The following MRPS25 variants were observed in gnomAD, a reference collection of about 807,000 sequenced individuals.
The protein encoded by MRPS25 is small ribosomal subunit protein mS25.
MRPS25 carries 15 observed loss-of-function variants against 17.3 expected under a neutral mutation model. The ratio of observed to expected loss-of-function variants is 0.87; its 90% CI spans 0.58 to 1.34. MRPS25 has a LOEUF of 1.34. MRPS25 is among the 40% of genes most tolerant of loss of function. The pLI, the probability that MRPS25 is intolerant of heterozygous loss-of-function variation, is 0.00. For synonymous variants in MRPS25, 94 were observed against 83.3 expected, an observed-to-expected ratio of 1.13 and a Z score of -0.70; for missense variants, 225 against 218.6, an observed-to-expected ratio of 1.03 and a Z score of -0.19.
At chr3:15,043,154 C>G (rs2042330692), downstream of MRPS25, 1 of 620,404 alleles carries the variant, frequency 1.6e-6, no homozygotes, top group Non-Finnish European at 2.5e-6. Flanking sequence ...TAATCCCAGA[C>G]AATAGCAATT....
At chr3:15,053,591 G>T in intron 2 of MRPS25, 124 bp from the exon 3 acceptor site, 1 of 1,065,462 alleles carries the variant, frequency 9.4e-7, no homozygotes, top group Non-Finnish European at 1.4e-6. Flanking sequence ...AGATATACTT[G>T]TTTACATAAT....
Position 15,049,280 on chromosome 3 carries a change from T to C in MRPS25, c.*3161A>G, listed in dbSNP as rs1369861545. The C allele has an allele frequency of 6.5e-6, 1 of 152,810 alleles. No homozygotes were observed. Among genetic ancestry groups the C allele is most frequent in the Non-Finnish European group, 1.5e-5 (1 of 68,190 alleles). 9.5% of individuals were successfully genotyped at this position (152,810 alleles called of 1,614,324 possible). ...AAAGTGAATTAAAGACTAACATGCA[T>C]CCTGCTCTTCATTTTTCTTCATGAT... On this transcript the variant is annotated 3_prime_UTR_variant, in exon 4 of 4. Coordinates refer to ENST00000253686, the MANE Select transcript of MRPS25 (RefSeq NM_022497.5).
At chr3:15,059,586 A>C (rs2042721531) in intron 1 of MRPS25, 111 bp from the exon 2 acceptor site, 3 of 772,652 alleles carry the variant, frequency 3.9e-6, no homozygotes, top group Non-Finnish European at 6.5e-6. Flanking sequence ...TTCTCAGAGG[A>C]CCCAAAAAGG....
chr3:15,061,926 GCCCCTCCGCCCGGC>G (rs2042770045), intron 1 of MRPS25, among the ~76,000 whole-genome samples: 1 of 150,226 alleles, frequency 6.7e-6, no homozygotes, highest in African/African-American at 2.5e-5. Context: ...GAAGTGAGGA[GCCCCTCCGCCCGGC>G]AGCCGCCCCG....
In MRPS25 at chr3:15,060,639, T is replaced by C. The variant is rs914634177; in HGVS notation, c.135-1164A>G. ...GGCTCATGCCTGTAATCCCAGCACT[T>C]TGGGAGGCCGAGGCGGGTGGATCAC... On this transcript the variant is annotated intron_variant, in intron 1 of 3. Coordinates refer to ENST00000253686, the MANE Select transcript of MRPS25 (RefSeq NM_022497.5). Among the ~76,000 whole-genome samples the C allele has an allele frequency of 2.0e-5, 3 of 152,142 alleles. No homozygotes were observed. The South Asian group carries it at 6.2e-4, about 32-fold the overall frequency.
intron 3 of MRPS25, 199 bp downstream of exon 3, chr3:15,053,181 G>C: frequency 1.6e-6 from 2 of 1,258,038 alleles, no homozygotes; most frequent in South Asian, 3.2e-5. Flanking sequence ...AGCCAAGGGA[G>C]ATAAAGCTTA....
rs572776946 is a variant in MRPS25 at position 15,061,370 on chromosome 3, C to T, written c.135-1895G>A. Among the ~76,000 whole-genome samples the T allele has an allele frequency of 5.4e-3, 817 of 152,314 alleles. 2 individuals carry two copies. The highest frequency in any genetic ancestry group is 0.014 in the Middle Eastern group (4 of 294). ...GCCTGCGATTGCAGGCGCGCGCTGC[C>T]ACGCCTGACTGGTTTTCGTATTTTT... On this transcript the variant is annotated intron_variant, in intron 1 of 3. Transcript: ENST00000253686.
At position 15,052,594 on chromosome 3, in the gene MRPS25, A is replaced by G. The variant is rs373966010; in HGVS notation, c.369T>C (p.Leu123=). Residue 123 remains leucine (L), a synonymous_variant, in exon 4 of 4, where the codon CTT becomes CTC. Coordinates refer to ENST00000253686, the MANE Select transcript of MRPS25 (RefSeq NM_022497.5). ...GAGGGCCGAAGTTGGCTGGGTGAGA[A>G]AGCTGCTTTTTCTCCTCCTCCTCTT... ...LREEEEEKKQ[L]SHPANFGPRK... 134 of 1,614,136 alleles carry G rather than the reference A, an allele frequency of 8.3e-5. 3 individuals are homozygous for G. Among genetic ancestry groups the G allele is most frequent in the South Asian group, 6.7e-4 (61 of 91,078 alleles).
chr3:15,049,676 G>C lies in MRPS25; in HGVS notation c.*2765C>G. 3 of 540,354 alleles carry C rather than the reference G, an allele frequency of 5.6e-6. No homozygotes were observed. The highest frequency in any genetic ancestry group is 9.6e-6 in the Non-Finnish European group (3 of 312,042). 33.5% of individuals were successfully genotyped at this position (540,354 alleles called of 1,614,324 possible). A position where few individuals can be genotyped will look rare whatever the true frequency, so the allele number is the denominator to read the frequency against. On this transcript the variant is annotated 3_prime_UTR_variant, in exon 4 of 4. Transcript: ENST00000253686. ...GCAAAAACAAGCTCCAAAAGTTTCAGAAGTTAGAACATATTCATTATGTCA... is the reference window on the plus strand; with the variant it reads ...GCAAAAACAAGCTCCAAAAGTTTCACAAGTTAGAACATATTCATTATGTCA...
intron 2 of MRPS25, chr3:15,053,693 A>G (rs1022629056): frequency 1.4e-5 from 8 of 571,970 alleles, no homozygotes; most frequent in African/African-American, 3.8e-5. Flanking sequence ...TTTAATAGAA[A>G]GACATTCCAT....
intron 1 of MRPS25, among the ~76,000 whole-genome samples, chr3:15,064,753 G>T (rs1477577107): frequency 6.6e-6 from 1 of 152,214 alleles, no homozygotes; most frequent in East Asian, 1.9e-4. Flanking sequence ...TGCCTTGCTG[G>T]CCAGAGGGGC....
intron 1 of MRPS25, among the ~76,000 whole-genome samples, chr3:15,063,628 A>T (rs2042811833): frequency 6.6e-6 from 1 of 152,226 alleles, no homozygotes; most frequent in Non-Finnish European, 1.5e-5. Context: ...CCTAGAGGAC[A>T]TTAAAATATC....
rs1251040663 is a variant in MRPS25 at position 15,049,756 on chromosome 3, C to A, written c.*2685G>T. On this transcript the variant is annotated 3_prime_UTR_variant, in exon 4 of 4. Coordinates refer to ENST00000253686, the MANE Select transcript of MRPS25 (RefSeq NM_022497.5). ...CTGAGGTCCAAAGTCTGATGCATGA[C>A]AGAACTCACTGGCAGGCAGATAGGG... 2 of 646,742 alleles carry A rather than the reference C, an allele frequency of 3.1e-6. No homozygotes were observed. The highest frequency in any genetic ancestry group is 1.9e-5 in the African/African-American group (1 of 53,342). 40.1% of individuals were successfully genotyped at this position (646,742 alleles called of 1,614,324 possible).
In MRPS25 at chr3:15,049,109, G is replaced by A. The variant is rs139419191; in HGVS notation, c.*3332C>T. ...ATTTTATATCTAATCAATGTCTTCA[G>A]TCTTGAAGAAGAATTTGCATTGTTG... On this transcript the variant is annotated 3_prime_UTR_variant, in exon 4 of 4. Coordinates refer to ENST00000253686, the MANE Select transcript of MRPS25 (RefSeq NM_022497.5). The A allele has an allele frequency of 2.8e-4, 43 of 152,708 alleles. No individual in the cohort carries two copies. The highest frequency in any genetic ancestry group is 1.0e-3 in the African/African-American group (43 of 41,562). 9.5% of individuals were successfully genotyped at this position (152,708 alleles called of 1,614,324 possible).
chr3:15,048,223 A>C (rs1160772653), downstream of MRPS25: 2 of 152,658 alleles, frequency 1.3e-5, no homozygotes, highest in Non-Finnish European at 2.9e-5. Context: ...ATGTAGAGAA[A>C]GCTTCTATTT....
chr3:15,042,680 G>A, downstream of MRPS25: 3 of 627,950 alleles, frequency 4.8e-6, no homozygotes, highest in South Asian at 4.7e-5. Context: ...ATTTCTATAA[G>A]AGGAACTGTT....
downstream of MRPS25, chr3:15,047,194 A>C (rs2042487475): frequency 6.6e-6 from 1 of 152,614 alleles, no homozygotes; most frequent in Non-Finnish European, 1.5e-5. Context: ...ATGTAAACTG[A>C]TATGGGTGTT....
intron 1 of MRPS25, among the ~76,000 whole-genome samples, chr3:15,063,775 GA>G (rs777908005): frequency 9.2e-5 from 14 of 152,248 alleles, no homozygotes; most frequent in East Asian, 5.8e-4. Context: ...GCCAAACAGT[GA>G]AGGGCCCTCT....
At chr3:15,060,749 C>T (rs980187345) in intron 1 of MRPS25, among the ~76,000 whole-genome samples, 16 of 151,668 alleles carry the variant, frequency 1.1e-4, no homozygotes, top group African/African-American at 3.9e-4. Flanking sequence ...GGCGTGGTGG[C>T]GGGCACTTGT....
Sources: gnomAD v4.1 joint callset for allele counts (sites outside exome capture counted in the v4.1 genomes callset) on GRCh38, gnomAD v4.1.1 for gene constraint, MANE v1.5 for transcripts, NCBI Gene and HGNC (gene_info 2026-07-23, HGNC 2026-07-21) for gene names.